Variants in PDE7B observed in about 807,000 individuals in gnomAD.
PDE7B encodes the protein 3',5'-cyclic-AMP phosphodiesterase 7B.
A neutral mutation model predicts 56.2 loss-of-function variants in PDE7B; 29 were observed. The observed-to-expected ratio is 0.52, with a 90% CI of 0.38 to 0.70. The LOEUF (loss-of-function observed/expected upper bound fraction) is 0.70. PDE7B is among the 30% of genes least tolerant of loss of function. The probability of loss-of-function intolerance (pLI) is 0.00; values close to 1 mark genes in which losing one functional copy is unlikely to be tolerated. For missense variants in PDE7B, 490 were observed against 565.0 expected, an observed-to-expected ratio of 0.87 and a Z score of 1.35; for synonymous variants, 197 against 196.9, an observed-to-expected ratio of 1.00 and a Z score of 0.00.
intron 1 of PDE7B, among the ~76,000 whole-genome samples, chr6:135,861,475 G>A (rs938670051): frequency 3.3e-5 from 5 of 150,022 alleles, no homozygotes; most frequent in African/African-American, 1.2e-4. Flanking sequence ...TCAAGTCTCT[G>A]ATCAAGTTAT....
At chr6:135,934,854 AATAT>A (rs1395249647) in intron 1 of PDE7B, among the ~76,000 whole-genome samples, 2 of 103,572 alleles carry the variant, frequency 1.9e-5, no homozygotes, top group Non-Finnish European at 3.7e-5. Flanking sequence ...TATTTAAATA[AATAT>A]ATATAAAAAT....
intron 3 of PDE7B, among the ~76,000 whole-genome samples, chr6:136,122,188 G>A (rs528263676): frequency 6.6e-6 from 1 of 151,958 alleles, no homozygotes; most frequent in South Asian, 2.1e-4. Context: ...GTAGAGATGG[G>A]GTTTCACCGT....
At chr6:136,176,982 A>C (rs1778987887) in intron 9 of PDE7B, among the ~76,000 whole-genome samples, 1 of 152,156 alleles carries the variant, frequency 6.6e-6, no homozygotes, top group East Asian at 1.9e-4. Flanking sequence ...TGTTTTATAT[A>C]ATTTTTTATG....
chr6:135,982,541 T>C (rs551659800), intron 2 of PDE7B, among the ~76,000 whole-genome samples: 3 of 152,318 alleles, frequency 2.0e-5, no homozygotes, highest in South Asian at 2.1e-4. Context: ...TATTACATCA[T>C]GACCCAGAGG....
At chr6:135,883,508 G>A (rs963771030) in intron 1 of PDE7B, among the ~76,000 whole-genome samples, 4 of 152,166 alleles carry the variant, frequency 2.6e-5, no homozygotes, top group Non-Finnish European at 4.4e-5. Context: ...TGCAAAATCC[G>A]ATGATGTTTA....
At chr6:135,921,161 C>T (rs1474577990) in intron 1 of PDE7B, among the ~76,000 whole-genome samples, 2 of 152,030 alleles carry the variant, frequency 1.3e-5, no homozygotes, top group South Asian at 2.1e-4. Context: ...AAATAACTGT[C>T]GTTTCTTGGA....
At chr6:136,065,820 A>G (rs1051663515) in intron 2 of PDE7B, among the ~76,000 whole-genome samples, 2 of 152,236 alleles carry the variant, frequency 1.3e-5, no homozygotes, top group African/African-American at 4.8e-5. Flanking sequence ...TCAGATTTCT[A>G]GAATAGCAGC....
At chr6:136,048,349 C>T (rs755038795) in intron 2 of PDE7B, among the ~76,000 whole-genome samples, 1 of 152,114 alleles carries the variant, frequency 6.6e-6, no homozygotes, top group East Asian at 1.9e-4. Flanking sequence ...CATGGTGAAA[C>T]TCTGTCTCTA....
chr6:136,061,960 G>A (rs1364015539), intron 2 of PDE7B, among the ~76,000 whole-genome samples: 1 of 152,176 alleles, frequency 6.6e-6, no homozygotes, highest in African/African-American at 2.4e-5. Flanking sequence ...TAGCATTACT[G>A]TGCCAGTCCT....
At chr6:135,928,788 T>A (rs1311406780) in intron 1 of PDE7B, among the ~76,000 whole-genome samples, 1 of 151,620 alleles carries the variant, frequency 6.6e-6, no homozygotes, top group Non-Finnish European at 1.5e-5. Context: ...GGAACAATAA[T>A]AAACAGTGGG....
chr6:136,000,501 T>C (rs566507283), intron 2 of PDE7B, among the ~76,000 whole-genome samples: 2 of 152,188 alleles, frequency 1.3e-5, no homozygotes, highest in Non-Finnish European at 1.5e-5. Flanking sequence ...ATTTATTGAA[T>C]AGTGAGTCTT....
intron 8 of PDE7B, chr6:136,166,333 A>G (rs1169873926): frequency 2.0e-5 from 3 of 152,236 alleles, no homozygotes; most frequent in Admixed American, 2.0e-4. Flanking sequence ...GATGAGTGCT[A>G]TTGTCCCAAA....
At chr6:135,868,233 A>T (rs1775301454) in intron 1 of PDE7B, among the ~76,000 whole-genome samples, 1 of 152,078 alleles carries the variant, frequency 6.6e-6, no homozygotes, top group Admixed American at 6.5e-5. Context: ...TGAGTTTCAA[A>T]TTCTACATGG....
At chr6:136,039,476 C>G (rs192366488) in intron 2 of PDE7B, among the ~76,000 whole-genome samples, 42 of 152,192 alleles carry the variant, frequency 2.8e-4, no homozygotes, top group Admixed American at 2.6e-3. Context: ...AAAGATACAT[C>G]AAAAATTACC....
intron 2 of PDE7B, among the ~76,000 whole-genome samples, chr6:136,093,005 G>T (rs1777415127): frequency 6.6e-6 from 1 of 152,146 alleles, no homozygotes; most frequent in South Asian, 2.1e-4. Flanking sequence ...CTTCATGGTG[G>T]TAATCATTTC....
Position 136,187,135 on chromosome 6 carries a change from T to C in PDE7B, c.1126+19T>C. ...CAAATTGGTGAGTTGAATTCAGTGT[T>C]AATTCCAAATAAATACCTTTGGCAC... is the stretch of plus-strand genomic sequence containing the variant. On this transcript the variant is annotated intron_variant, in intron 12 of 12. Coordinates refer to ENST00000308191, the MANE Select transcript of PDE7B (RefSeq NM_018945.4). 8.6e-7 allele frequency: 1 copy of C among 1,161,398 alleles called. No individual in the cohort carries two copies. Among genetic ancestry groups the C allele is most frequent in the South Asian group, 1.3e-5 (1 of 77,272 alleles). 71.9% of individuals were successfully genotyped at this position (1,161,398 alleles called of 1,614,324 possible).
intron 2 of PDE7B, among the ~76,000 whole-genome samples, chr6:136,107,085 G>A (rs1209153309): frequency 2.6e-5 from 4 of 152,160 alleles, no homozygotes; most frequent in Admixed American, 2.6e-4. Flanking sequence ...AAGAGCTCAT[G>A]GCTTGCACTT....
chr6:136,156,162 AGTGTGTGT>A (rs10625572), intron 8 of PDE7B: 161 of 252,070 alleles, frequency 6.4e-4, no homozygotes, highest in African/African-American at 2.0e-3. Context: ...GAATGATCCA[AGTGTGTGT>A]GTGTGTGTGT....
At chr6:135,986,042 G>T (rs2128204667) in intron 2 of PDE7B, among the ~76,000 whole-genome samples, 1 of 152,296 alleles carries the variant, frequency 6.6e-6, no homozygotes, top group African/African-American at 2.4e-5. Context: ...GTGTTTTATA[G>T]AAGGCACTCA....
Sources: allele counts gnomAD v4.1 joint callset (sites outside exome capture counted in the v4.1 genomes callset), GRCh38; gene constraint gnomAD v4.1.1; transcripts MANE v1.5; gene names NCBI Gene and HGNC (gene_info 2026-07-23, HGNC 2026-07-21).